SNTG2: variants seen among roughly 807,000 people sequenced by gnomAD.
SNTG2 encodes gamma-2-syntrophin.
A neutral mutation model predicts 70.9 loss-of-function variants in SNTG2; 74 were observed. The observed-to-expected ratio is 1.04, with a 90% CI of 0.86 to 1.27. SNTG2 has a LOEUF of 1.27. Ranked by LOEUF, SNTG2 falls within the 50% of genes most tolerant of loss-of-function variation. The pLI is 0.00. For missense variants in SNTG2, 717 were observed against 690.7 expected (o/e 1.04, Z -0.43); for synonymous variants, 278 against 273.8 (o/e 1.02, Z -0.15).
chr2:1,275,052 C>T (rs986325943), intron 14 of SNTG2, among the ~76,000 whole-genome samples: 8 of 152,172 alleles, frequency 5.3e-5, no homozygotes, highest in South Asian at 4.1e-4. Flanking sequence ...CCTGGCTTTA[C>T]GACAGCCTAT....
chr2:1,093,742 C>T lies in SNTG2; in HGVS notation c.211-4454C>T, dbSNP rs79938509. On this transcript the variant is annotated intron_variant, in intron 2 of 16. Transcript: ENST00000308624. ...AACCTGATGGTCTGTAAGGTGCTTT[C>T]CACAGTGATCTTCCTTCACTCCTGT... 4.5e-3 allele frequency among the ~76,000 whole-genome samples: 683 copies of T among 152,338 alleles called. 11 individuals carry two copies. The East Asian group carries it at 0.054, about 12-fold the overall frequency.
In SNTG2 at chr2:1,222,591, GC is replaced by G. The variant is rs1675382626; in HGVS notation, c.719+13363del. On this transcript the variant is annotated intron_variant, in intron 9 of 16. Coordinates refer to ENST00000308624, the MANE Select transcript of SNTG2 (RefSeq NM_018968.4). ...GTGATGGAGGGCGTCTCCCTGTCCTGCCTGCTGCTGGAGGTGCTGGATCGCT... is the reference window on the plus strand; with the variant it reads ...GTGATGGAGGGCGTCTCCCTGTCCTGCTGCTGCTGGAGGTGCTGGATCGCT... 5.4e-3 allele frequency among the ~76,000 whole-genome samples: 29 copies of G among 5,374 alleles called. 7 individuals carry two copies. The highest frequency in any genetic ancestry group is 0.028 in the African/African-American group (28 of 1,006). 3.5% of individuals were successfully genotyped at this position (5,374 alleles called of 152,430 possible).
chr2:1,231,489 G>A (rs909941701), intron 9 of SNTG2, among the ~76,000 whole-genome samples: 5 of 152,178 alleles, frequency 3.3e-5, no homozygotes, highest in African/African-American at 1.2e-4. Flanking sequence ...GACATGCCCC[G>A]CAGTGTGGGT....
intron 1 of SNTG2, among the ~76,000 whole-genome samples, chr2:1,030,415 A>G (rs1173178859): frequency 6.6e-6 from 1 of 152,182 alleles, no homozygotes; most frequent in Admixed American, 6.5e-5. Context: ...GGACACACAG[A>G]GACACTTGGC....
intron 4 of SNTG2, among the ~76,000 whole-genome samples, chr2:1,113,409 A>G (rs1666659111): frequency 6.6e-6 from 1 of 152,002 alleles, no homozygotes; most frequent in South Asian, 2.1e-4. Context: ...TTTAACCACT[A>G]TAGTCCTTTT....
chr2:1,316,164 ATGTC>A (rs1179525292), intron 15 of SNTG2, 97 bp from the exon 16 acceptor site: 4 of 600,176 alleles, frequency 6.7e-6, no homozygotes, highest in East Asian at 2.9e-5. Flanking sequence ...CATTAAGTGA[ATGTC>A]TGTTGATTTA....
At chr2:1,034,844 G>C (rs1258954351) in intron 1 of SNTG2, among the ~76,000 whole-genome samples, 1 of 152,198 alleles carries the variant, frequency 6.6e-6, no homozygotes. Flanking sequence ...TTAAGGACCT[G>C]AATTTAGTAC....
intron 8 of SNTG2, among the ~76,000 whole-genome samples, chr2:1,202,096 C>T (rs1409352599): frequency 5.3e-5 from 8 of 151,940 alleles, no homozygotes; most frequent in Non-Finnish European, 7.4e-5. Context: ...CATTAAACCA[C>T]GTGGAAACTT....
At chr2:1,309,815 G>T (rs898055330) in intron 15 of SNTG2, among the ~76,000 whole-genome samples, 1 of 152,224 alleles carries the variant, frequency 6.6e-6, no homozygotes, top group Non-Finnish European at 1.5e-5. Flanking sequence ...CAGTATCCAG[G>T]TCCATAATTC....
chr2:1,183,324 G>T (rs1260679163), intron 8 of SNTG2, among the ~76,000 whole-genome samples: 1 of 148,510 alleles, frequency 6.7e-6, no homozygotes, highest in Non-Finnish European at 1.5e-5. Context: ...TTGTGCACAT[G>T]TCTTTTAGGG....
At chr2:1,058,362 A>G (rs1011944949) in intron 1 of SNTG2, among the ~76,000 whole-genome samples, 2 of 152,244 alleles carry the variant, frequency 1.3e-5, no homozygotes, top group African/African-American at 4.8e-5. Context: ...ACAACACACC[A>G]GTAGTGTTAA....
intron 11 of SNTG2, among the ~76,000 whole-genome samples, chr2:1,243,898 C>A (rs186584109): frequency 5.9e-5 from 9 of 152,190 alleles, no homozygotes; most frequent in African/African-American, 1.9e-4. Flanking sequence ...TGGTGGCACG[C>A]GCCTGTAATC....
At chr2:1,293,994 A>G (rs943365500) in intron 14 of SNTG2, among the ~76,000 whole-genome samples, 2 of 152,326 alleles carry the variant, frequency 1.3e-5, no homozygotes, top group Admixed American at 6.5e-5. Flanking sequence ...CTGGGGTCCA[A>G]GTCAGACGGT....
In SNTG2 at chr2:1,157,189, C is replaced by T. The variant is rs1463739954; in HGVS notation, c.412-8359C>T. ...TTCCCCTCCATCCCATCACTGCCAG[C>T]ACCCTGCAGAGTGGCCACCAGTGCT... is the stretch of plus-strand genomic sequence containing the variant. On this transcript the variant is annotated intron_variant, in intron 6 of 16. Coordinates refer to ENST00000308624, the MANE Select transcript of SNTG2 (RefSeq NM_018968.4). Among the ~76,000 whole-genome samples, 7 of 152,320 alleles carry T rather than the reference C, an allele frequency of 4.6e-5. No individual in the cohort carries two copies. The East Asian group carries it at 1.4e-3, about 29-fold the overall frequency.
At chr2:1,078,071 C>T (rs1664043588) in intron 1 of SNTG2, among the ~76,000 whole-genome samples, 2 of 152,190 alleles carry the variant, frequency 1.3e-5, no homozygotes, top group South Asian at 4.1e-4. Flanking sequence ...TGTAAGGCTA[C>T]ACTTCAAAGT....
chr2:1,091,114 C>A (rs1192117816), intron 2 of SNTG2, among the ~76,000 whole-genome samples: 2 of 152,050 alleles, frequency 1.3e-5, no homozygotes, highest in Non-Finnish European at 2.9e-5. Flanking sequence ...AGTTGAAGGG[C>A]GATGACAGGC....
At chr2:1,190,583 T>A in intron 8 of SNTG2, among the ~76,000 whole-genome samples, 1 of 147,566 alleles carries the variant, frequency 6.8e-6, no homozygotes, top group East Asian at 2.0e-4. Flanking sequence ...ACTGTAAATG[T>A]ATATATATAA....
At chr2:984,055 A>C (rs1402379687) in intron 1 of SNTG2, among the ~76,000 whole-genome samples, 1 of 152,126 alleles carries the variant, frequency 6.6e-6, no homozygotes, top group Non-Finnish European at 1.5e-5. Flanking sequence ...GGGCGGTGGC[A>C]CCAAGCTGCC....
chr2:1,085,706 C>A (rs990972270), intron 2 of SNTG2, among the ~76,000 whole-genome samples: 2 of 152,214 alleles, frequency 1.3e-5, no homozygotes, highest in African/African-American at 4.8e-5. Flanking sequence ...CTTCCTATTC[C>A]TTTATAGTGA....
Sources: allele counts gnomAD v4.1 joint callset (sites outside exome capture counted in the v4.1 genomes callset), GRCh38; gene constraint gnomAD v4.1.1; transcripts MANE v1.5; gene names NCBI Gene and HGNC (gene_info 2026-07-23, HGNC 2026-07-21).